Variants in PACS1 observed in about 807,000 individuals in gnomAD.
The protein encoded by PACS1 is phosphofurin acidic cluster sorting protein 1.
Under a neutral mutation model 115.0 loss-of-function variants are expected in PACS1, and 24 were observed. The observed-to-expected ratio is 0.21, with a 90% CI of 0.15 to 0.29. The LOEUF (loss-of-function observed/expected upper bound fraction) is 0.29. Among genes scored for constraint, PACS1 ranks in the 10% least tolerant of loss-of-function variants. The probability of loss-of-function intolerance (pLI) is 1.00; values close to 1 mark genes in which losing one functional copy is unlikely to be tolerated. For missense variants in PACS1, 838 were observed against 1,251.2 expected, an observed-to-expected ratio of 0.67 and a Z score of 4.98; for synonymous variants, 453 against 504.5, an observed-to-expected ratio of 0.90 and a Z score of 1.37.
At chr11:66,137,271 T>C (rs1400110817) in intron 1 of PACS1, among the ~76,000 whole-genome samples, 6 of 152,182 alleles carry the variant, frequency 3.9e-5, no homozygotes, top group African/African-American at 7.2e-5. Context: ...TTTGTGTGTG[T>C]GTGTGTGTAC....
rs757316308 is a variant in PACS1 at position 66,239,175 on chromosome 11, C to CTG, written c.2330_2331dup (p.Pro778CysfsTer12). ...GACGATTCTCCTGTGGTCAGCCTTA[C>CTG]TGTGCCCTCCACATCACCACCCTCC... On this transcript the variant is annotated frameshift_variant, in exon 21 of 24. Transcript: ENST00000320580. LOFTEE classifies it high-confidence loss of function. The CTG allele has an allele frequency of 6.2e-7, 1 of 1,614,188 alleles. No individual in the cohort carries two copies. Among genetic ancestry groups the CTG allele is most frequent in the Non-Finnish European group, 8.5e-7 (1 of 1,180,008 alleles).
At chr11:66,218,466 C>T (rs892678128) in intron 7 of PACS1, 1 of 152,170 alleles carries the variant, frequency 6.6e-6, no homozygotes, top group African/African-American at 2.4e-5. Context: ...CCAGGAGTGC[C>T]AGGACAGCTT....
intron 1 of PACS1, among the ~76,000 whole-genome samples, chr11:66,170,787 A>T (rs1185667408): frequency 6.7e-6 from 1 of 148,674 alleles, no homozygotes; most frequent in Non-Finnish European, 1.5e-5. Flanking sequence ...AAAAAAAAAA[A>T]AAAAAATTTG....
intron 1 of PACS1, among the ~76,000 whole-genome samples, chr11:66,156,695 A>T: frequency 6.6e-6 from 1 of 152,016 alleles, no homozygotes; most frequent in East Asian, 1.9e-4. Flanking sequence ...TCTACTAAAG[A>T]TACAAAAAAT....
chr11:66,169,687 T>C (rs1244946926), intron 1 of PACS1, among the ~76,000 whole-genome samples: 1 of 149,312 alleles, frequency 6.7e-6, no homozygotes. Flanking sequence ...AGTGCTGGGA[T>C]TACAGGTGTG....
intron 2 of PACS1, among the ~76,000 whole-genome samples, chr11:66,205,539 G>A (rs1163574383): frequency 1.3e-5 from 2 of 151,448 alleles, no homozygotes; most frequent in Admixed American, 6.6e-5. Flanking sequence ...TATATGCCAT[G>A]TACCCATAAA....
rs901491297 is a variant in PACS1 at position 66,236,353 on chromosome 11, C to G, written c.2250+413C>G. On this transcript the variant is annotated intron_variant, in intron 19 of 23. Transcript: ENST00000320580. The surrounding 1 kb of genome is among the most constrained non-coding windows in gnomAD (Gnocchi z 4.2). ...AGGCCCTGACCTCGCTGCCTTCACC[C>G]GGGGAGTGATGTCCAGACGTGGCTC... Among the ~76,000 whole-genome samples the G allele has an allele frequency of 6.6e-6, 1 of 152,196 alleles. No homozygotes were observed. Among genetic ancestry groups the G allele is most frequent in the African/African-American group, 2.4e-5 (1 of 41,438 alleles).
chr11:66,207,786 T>C (rs922023506), intron 2 of PACS1, among the ~76,000 whole-genome samples: 5 of 152,150 alleles, frequency 3.3e-5, no homozygotes, highest in Non-Finnish European at 7.4e-5. Context: ...TTGTTTTTTT[T>C]TGAGACGGAG....
chr11:66,135,551 G>A (rs1024501595), intron 1 of PACS1, among the ~76,000 whole-genome samples: 2 of 152,062 alleles, frequency 1.3e-5, no homozygotes, highest in African/African-American at 2.4e-5. Context: ...GCGATTTTCT[G>A]TGTGGAAAAC....
At chr11:66,216,956 C>T in intron 7 of PACS1, 181 bp downstream of exon 7, 2 of 592,134 alleles carry the variant, frequency 3.4e-6, no homozygotes, top group Admixed American at 2.8e-5. Flanking sequence ...TTGTTGGGAA[C>T]CACAATTACT....
chr11:66,152,419 G>T (rs1859262258), intron 1 of PACS1, among the ~76,000 whole-genome samples: 1 of 152,154 alleles, frequency 6.6e-6, no homozygotes, highest in Non-Finnish European at 1.5e-5. Flanking sequence ...AGTGTACTTG[G>T]AGTCTTAGAA....
At position 66,233,935 on chromosome 11, in the gene PACS1, C is replaced by T; in HGVS notation, c.1989C>T (p.Pro663=). 6.4e-7 allele frequency: 1 copy of T among 1,572,060 alleles called. No individual in the cohort carries two copies. The highest frequency in any genetic ancestry group is 8.6e-7 in the Non-Finnish European group (1 of 1,156,330). The change falls in exon 16 of 24, where the codon CCC becomes CCT. Residue 663 remains proline (P), a synonymous_variant. Transcript: ENST00000320580. This position sits in a 1 kb window ranked among gnomAD's most constrained non-coding sequence, Gnocchi z 4.5. The stretch of plus-strand genomic sequence containing the variant: ...GCTACATGCGCTTCCTCATCATCCC[C>T]CTCGGTAAAGACGGGAGGCACCAGG... ...WLGYMRFLII[P]LGSHPVAKYL...
intron 1 of PACS1, among the ~76,000 whole-genome samples, chr11:66,162,901 G>A (rs897617060): frequency 6.6e-6 from 1 of 152,060 alleles, no homozygotes; most frequent in African/African-American, 2.4e-5. Flanking sequence ...AATCCTGATG[G>A]GTATAATAAA....
At chr11:66,226,632 A>G (rs563479711) in intron 10 of PACS1, among the ~76,000 whole-genome samples, 3 of 152,330 alleles carry the variant, frequency 2.0e-5, no homozygotes, top group South Asian at 2.1e-4. Context: ...ATAGTTTACT[A>G]GGTGACCCTG....
rs1172306003 is a variant in PACS1, at chr11:66,216,787, A to C, written c.978+12A>C. The C allele has an allele frequency of 6.2e-7, 1 of 1,605,130 alleles. No individual in the cohort carries two copies. Among genetic ancestry groups the C allele is most frequent in the South Asian group, 1.1e-5 (1 of 90,800 alleles). ...CTGCCATCACAAGGGTGAGCCTCAA[A>C]GGTCTGGGGAGTGGTTGGCTAAGAT... On this transcript the variant is annotated intron_variant, in intron 7 of 23. Transcript: ENST00000320580.
intron 10 of PACS1, among the ~76,000 whole-genome samples, chr11:66,226,197 T>C (rs867844098): frequency 6.6e-6 from 1 of 152,060 alleles, no homozygotes; most frequent in African/African-American, 2.4e-5. Context: ...ACAACAACAT[T>C]GGCTGATCAT....
chr11:66,238,391 C>A, intron 19 of PACS1: 1 of 977,450 alleles, frequency 1.0e-6, no homozygotes. Flanking sequence ...TGCAAAGTCT[C>A]GCATGCCCCA....
intron 21 of PACS1, 181 bp from the exon 22 acceptor site, chr11:66,241,246 G>T: frequency 1.8e-6 from 1 of 550,708 alleles, no homozygotes; most frequent in South Asian, 2.6e-5. Flanking sequence ...CCCCAGCTTT[G>T]TTCTCAGATC....
At chr11:66,098,606 C>T (rs72934632) in intron 1 of PACS1, among the ~76,000 whole-genome samples, 4,600 of 152,272 alleles carry the variant, frequency 0.03, 84 homozygotes, top group South Asian at 0.071. Flanking sequence ...TGATAAAACC[C>T]TATTGTCCAA....
Sources: gnomAD v4.1 joint callset for allele counts (sites outside exome capture counted in the v4.1 genomes callset) on GRCh38, gnomAD v4.1.1 for gene constraint, Gnocchi (gnomAD v3.1) non-coding constraint, MANE v1.5 for transcripts, NCBI Gene and HGNC (gene_info 2026-07-23, HGNC 2026-07-21) for gene names.